The following HPSE2 variants were observed in gnomAD, a reference collection of about 807,000 sequenced individuals.
The protein encoded by HPSE2 is heparanase 2 (inactive).
HPSE2 carries 38 observed loss-of-function variants against 60.5 expected under a neutral mutation model. The ratio of observed to expected loss-of-function variants is 0.63; its 90% CI spans 0.48 to 0.82. The LOEUF (loss-of-function observed/expected upper bound fraction) is 0.82. HPSE2 is among the 40% of genes least tolerant of loss of function. HPSE2 has a pLI of 0.00. For missense variants in HPSE2, 713 were observed against 740.4 expected (o/e 0.96, Z 0.43); for synonymous variants, 295 against 293.2 (o/e 1.01, Z -0.06).
chr10:99,277,151 G>GTTATTT, the HPSE2 span, among the ~76,000 whole-genome samples: 1 of 152,118 alleles, frequency 6.6e-6, no homozygotes, highest in Non-Finnish European at 1.5e-5. Flanking sequence ...TTCAAATCAA[G>GTTATTT]ATATCCCGTG....
chr10:99,272,719 C>T, the HPSE2 span, among the ~76,000 whole-genome samples: 61 of 151,974 alleles, frequency 4.0e-4, no homozygotes, highest in Middle Eastern at 3.4e-3. Flanking sequence ...AACCACAATG[C>T]GATACCACCT....
At chr10:98,809,524 G>A (rs1259682304) in intron 3 of HPSE2, among the ~76,000 whole-genome samples, 2 of 151,218 alleles carry the variant, frequency 1.3e-5, no homozygotes, top group African/African-American at 4.9e-5. Context: ...GTGTTTATGT[G>A]TATATATATA....
intron 3 of HPSE2, among the ~76,000 whole-genome samples, chr10:98,991,724 A>G (rs1001451815): frequency 1.3e-5 from 2 of 152,146 alleles, no homozygotes; most frequent in Admixed American, 1.3e-4. Flanking sequence ...TGAAGAGAGA[A>G]GAGAAAGTGA....
At chr10:98,629,462 C>T (rs961737030) in intron 7 of HPSE2, among the ~76,000 whole-genome samples, 6 of 152,310 alleles carry the variant, frequency 3.9e-5, no homozygotes, top group South Asian at 4.1e-4. Context: ...GTGGTCAAGG[C>T]GAGAGCTCTG....
intron 3 of HPSE2, among the ~76,000 whole-genome samples, chr10:99,062,229 C>G (rs1477978878): frequency 6.6e-6 from 1 of 152,114 alleles, no homozygotes; most frequent in Admixed American, 6.6e-5. Context: ...CAAGTCTTAC[C>G]TTGCTTTCTA....
At chr10:99,064,187 G>A (rs922129493) in intron 3 of HPSE2, among the ~76,000 whole-genome samples, 1 of 152,126 alleles carries the variant, frequency 6.6e-6, no homozygotes, top group Non-Finnish European at 1.5e-5. Flanking sequence ...ACAAGAGTTG[G>A]GGTAGGAGGA....
the HPSE2 span, among the ~76,000 whole-genome samples, chr10:99,262,997 A>G: frequency 6.6e-6 from 1 of 152,174 alleles, no homozygotes; most frequent in South Asian, 2.1e-4. Context: ...GAATTCTTAC[A>G]CAAGAGCCAG....
intron 7 of HPSE2, among the ~76,000 whole-genome samples, chr10:98,637,396 A>T (rs894706210): frequency 6.6e-6 from 1 of 152,242 alleles, no homozygotes; most frequent in Non-Finnish European, 1.5e-5. Flanking sequence ...CTCTAGTCAC[A>T]GAAATTATTA....
chr10:98,484,453 G>T (rs917103176), intron 10 of HPSE2, among the ~76,000 whole-genome samples: 2 of 152,206 alleles, frequency 1.3e-5, no homozygotes, highest in Admixed American at 1.3e-4. Flanking sequence ...GGCCAGGCTG[G>T]TCTTGAACTC....
chr10:99,191,267 G>A (rs1360728880), intron 2 of HPSE2, among the ~76,000 whole-genome samples: 2 of 152,016 alleles, frequency 1.3e-5, no homozygotes, highest in African/African-American at 4.8e-5. Flanking sequence ...AGACCCCTTA[G>A]GTGGCAGCCA....
the HPSE2 span, among the ~76,000 whole-genome samples, chr10:99,279,464 T>A: frequency 6.6e-6 from 1 of 152,248 alleles, no homozygotes; most frequent in Non-Finnish European, 1.5e-5. Flanking sequence ...GAGAGATTCC[T>A]AAATTGTAAA....
the HPSE2 span, among the ~76,000 whole-genome samples, chr10:99,280,841 G>A: frequency 2.0e-5 from 3 of 152,098 alleles, no homozygotes; most frequent in Non-Finnish European, 4.4e-5. Context: ...AATCCCTGAG[G>A]TTCAGCTACT....
At chr10:99,277,855 T>C in the HPSE2 span, among the ~76,000 whole-genome samples, 1 of 152,094 alleles carries the variant, frequency 6.6e-6, no homozygotes, top group Non-Finnish European at 1.5e-5. Context: ...CCCAGCACTT[T>C]GGGAGGCCAA....
chr10:99,015,121 C>T (rs1957109192), intron 3 of HPSE2, among the ~76,000 whole-genome samples: 1 of 152,064 alleles, frequency 6.6e-6, no homozygotes, highest in Non-Finnish European at 1.5e-5. Flanking sequence ...CAATGAGATA[C>T]CATCTCACAC....
intron 2 of HPSE2, among the ~76,000 whole-genome samples, chr10:99,176,918 A>G (rs1847548526): frequency 6.6e-6 from 1 of 152,138 alleles, no homozygotes; most frequent in Non-Finnish European, 1.5e-5. Context: ...CTAACAGGGT[A>G]TCTCTCTGCA....
intron 11 of HPSE2, among the ~76,000 whole-genome samples, chr10:98,476,492 A>C (rs1941026492): frequency 6.6e-6 from 1 of 150,938 alleles, no homozygotes. Flanking sequence ...AAGAAAAAGA[A>C]AAAAAAAAGG....
intron 9 of HPSE2, among the ~76,000 whole-genome samples, chr10:98,587,272 C>T (rs551120184): frequency 6.6e-6 from 1 of 152,280 alleles, no homozygotes; most frequent in South Asian, 2.1e-4. Context: ...AGCCTCTTCT[C>T]AGCAGAGCAG....
At chr10:98,952,314 TTGTGTGTGTGTGTGTGTGTGTGTGTG>T (rs59116303) in intron 3 of HPSE2, among the ~76,000 whole-genome samples, 3 of 137,412 alleles carry the variant, frequency 2.2e-5, no homozygotes, top group Admixed American at 1.4e-4. Flanking sequence ...AAGAATTTGT[TTGTGTGTGTGTGTGTGTGTGTGTGTG>T]TGTGTGTGTG....
intron 9 of HPSE2, among the ~76,000 whole-genome samples, chr10:98,514,226 A>G (rs1942515569): frequency 6.6e-6 from 1 of 152,190 alleles, no homozygotes; most frequent in Admixed American, 6.5e-5. Context: ...TAGAATAGGT[A>G]AATTCACAAA....
Sources: allele counts gnomAD v4.1 joint callset (sites outside exome capture counted in the v4.1 genomes callset), GRCh38; gene constraint gnomAD v4.1.1; transcripts MANE v1.5; gene names NCBI Gene and HGNC (gene_info 2026-07-23, HGNC 2026-07-21).